Variants in DACH2 observed in about 807,000 individuals in gnomAD.
The protein encoded by DACH2 is dachshund family transcription factor 2.
Under a neutral mutation model 35.8 loss-of-function variants are expected in DACH2, and 17 were observed. That is an observed-to-expected ratio of 0.48 (90% CI 0.33 to 0.71). DACH2 has a LOEUF of 0.71. Among genes scored for constraint, DACH2 ranks in the 30% least tolerant of loss-of-function variants. The pLI is 0.02. For synonymous variants in DACH2, 195 were observed against 177.3 expected (o/e 1.10, Z -0.79); for missense variants, 469 against 472.7 (o/e 0.99, Z 0.07).
intron 7 of DACH2, among the ~76,000 whole-genome samples, chrX:86,768,824 G>A (rs1288783954): frequency 9.0e-6 from 1 of 110,742 alleles, no homozygotes; most frequent in African/African-American, 3.3e-5. Flanking sequence ...AGTCCATAGT[G>A]TCTATGGTTT....
chrX:86,412,922 C>G (rs924773344), intron 2 of DACH2, among the ~76,000 whole-genome samples: 2 of 111,201 alleles, frequency 1.8e-5, no homozygotes, highest in East Asian at 5.7e-4. Context: ...TAAGTGGGCT[C>G]GAGTAATATA....
At chrX:86,167,759 G>C (rs760595443) in intron 1 of DACH2, among the ~76,000 whole-genome samples, 2 of 111,029 alleles carry the variant, frequency 1.8e-5, no homozygotes, top group Non-Finnish European at 3.8e-5. Context: ...ATTTGTTTCA[G>C]TACAATTTTA....
intron 1 of DACH2, among the ~76,000 whole-genome samples, chrX:86,357,315 A>G (rs746463951): frequency 8.9e-6 from 1 of 112,024 alleles, no homozygotes; most frequent in East Asian, 2.8e-4. Flanking sequence ...TATTTTTATT[A>G]CGCATAATAC....
At chrX:86,310,819 T>C (rs2034785204) in intron 1 of DACH2, among the ~76,000 whole-genome samples, 1 of 111,305 alleles carries the variant, frequency 9.0e-6, no homozygotes, top group Non-Finnish European at 1.9e-5. Context: ...CACCAACAGG[T>C]GACCTCAGTG....
intron 1 of DACH2, among the ~76,000 whole-genome samples, chrX:86,150,290 A>C (rs1310103601): frequency 1.8e-5 from 2 of 112,038 alleles, no homozygotes; most frequent in Non-Finnish European, 3.8e-5. Flanking sequence ...ACTACTGCTT[A>C]TTATTTTGCA....
intron 1 of DACH2, among the ~76,000 whole-genome samples, chrX:86,157,491 T>C (rs2030588652): frequency 8.9e-6 from 1 of 111,884 alleles, no homozygotes; most frequent in Non-Finnish European, 1.9e-5. Flanking sequence ...TTTTATTGCA[T>C]TCATTATTTA....
In DACH2 at chrX:86,665,178, C is replaced by A. The variant is rs1166909681; in HGVS notation, c.772+14011C>A. Among the ~76,000 whole-genome samples, 3 of 111,908 alleles carry A rather than the reference C, an allele frequency of 2.7e-5. No homozygotes were observed. The East Asian group carries it at 8.4e-4, about 31-fold the overall frequency. Reference sequence around the variant, plus strand: ...TTATAAACATGGAAAGTTTTATAGTCTACTAATACAAAAATGAATTTATAG... The same window carrying A: ...TTATAAACATGGAAAGTTTTATAGTATACTAATACAAAAATGAATTTATAG... On this transcript the variant is annotated intron_variant, in intron 4 of 11. Transcript: ENST00000373125.
At chrX:86,679,405 A>C (rs2148431060) in intron 4 of DACH2, among the ~76,000 whole-genome samples, 1 of 111,949 alleles carries the variant, frequency 8.9e-6, no homozygotes, top group African/African-American at 3.2e-5. Context: ...CTGTTCTACA[A>C]AGTTCTAAAA....
chrX:86,638,206 C>T lies in DACH2; in HGVS notation c.641-12830C>T, dbSNP rs756157488. Among the ~76,000 whole-genome samples, 3 of 111,736 alleles carry T rather than the reference C, an allele frequency of 2.7e-5. No homozygotes were observed. In the East Asian group the frequency reaches 8.5e-4, roughly 32 times the overall value. On this transcript the variant is annotated intron_variant, in intron 3 of 11. Coordinates refer to ENST00000373125, the MANE Select transcript of DACH2 (RefSeq NM_053281.3). ...AATGGTGCTGGGAACATTGGATTAC[C>T]ATATGCCGAAGAATGAAACTGGATC...
intron 7 of DACH2, among the ~76,000 whole-genome samples, chrX:86,802,822 A>G (rs903858906): frequency 4.5e-5 from 5 of 111,376 alleles, no homozygotes; most frequent in African/African-American, 1.3e-4. Flanking sequence ...TGGAAGGGTC[A>G]TCTAATTTAT....
intron 2 of DACH2, among the ~76,000 whole-genome samples, chrX:86,444,793 AT>A (rs2037231086): frequency 9.1e-6 from 1 of 109,438 alleles, no homozygotes; most frequent in South Asian, 3.8e-4. Context: ...TGATTTTTTA[AT>A]TCTTTTTCTA....
intron 10 of DACH2, among the ~76,000 whole-genome samples, chrX:86,815,778 G>C (rs962564029): frequency 2.8e-5 from 3 of 107,982 alleles, no homozygotes; most frequent in African/African-American, 1.0e-4. Flanking sequence ...ATTTTCCTAA[G>C]ATTTATTTTT....
intron 1 of DACH2, among the ~76,000 whole-genome samples, chrX:86,363,693 A>T (rs1451030538): frequency 4.5e-5 from 5 of 111,171 alleles, no homozygotes; most frequent in African/African-American, 1.6e-4. Context: ...TTCTTCTGAA[A>T]AATCGTTTGG....
chrX:86,392,973 G>A (rs1010494346), intron 2 of DACH2, among the ~76,000 whole-genome samples: 1 of 110,537 alleles, frequency 9.0e-6, no homozygotes, highest in African/African-American at 3.3e-5. Flanking sequence ...GGCATCTAGT[G>A]GGTAGCAGTC....
intron 1 of DACH2, among the ~76,000 whole-genome samples, chrX:86,338,152 A>G (rs1228594172): frequency 9.0e-6 from 1 of 111,710 alleles, no homozygotes; most frequent in African/African-American, 3.3e-5. Flanking sequence ...TATTAGACAG[A>G]TCAACAAGAC....
At chrX:86,260,115 C>A (rs1474030594) in intron 1 of DACH2, among the ~76,000 whole-genome samples, 3 of 110,193 alleles carry the variant, frequency 2.7e-5, no homozygotes, top group African/African-American at 9.9e-5. Flanking sequence ...TCTTTTTTTG[C>A]AATATCAAAC....
intron 3 of DACH2, among the ~76,000 whole-genome samples, chrX:86,528,316 T>C (rs1453564153): frequency 8.9e-6 from 1 of 111,811 alleles, no homozygotes; most frequent in Non-Finnish European, 1.9e-5. Context: ...GGATCACATT[T>C]AAAGCTGAAA....
intron 1 of DACH2, among the ~76,000 whole-genome samples, chrX:86,210,644 A>G (rs1482385802): frequency 2.7e-5 from 3 of 111,850 alleles, no homozygotes; most frequent in Non-Finnish European, 5.7e-5. Flanking sequence ...AAAGCTCTCA[A>G]TGGCTACTAG....
intron 3 of DACH2, among the ~76,000 whole-genome samples, chrX:86,532,578 A>G (rs1033187069): frequency 1.8e-5 from 2 of 109,610 alleles, no homozygotes; most frequent in African/African-American, 6.7e-5. Flanking sequence ...GTGTTTCCTG[A>G]GGCCTCCTCA....
Sources: gnomAD v4.1 joint callset for allele counts (sites outside exome capture counted in the v4.1 genomes callset) on GRCh38, gnomAD v4.1.1 for gene constraint, MANE v1.5 for transcripts, NCBI Gene and HGNC (gene_info 2026-07-23, HGNC 2026-07-21) for gene names.